NLRP12: variants seen among roughly 807,000 people sequenced by gnomAD.
NLRP12 encodes the protein NACHT, LRR and PYD domains-containing protein 12.
NLRP12 carries 108 observed loss-of-function variants against 91.2 expected under a neutral mutation model. That is an observed-to-expected ratio of 1.18 (90% CI 1.01 to 1.39). The LOEUF is 1.39. Among genes scored for constraint, NLRP12 ranks in the 40% most tolerant of loss-of-function variants. The pLI is 0.00. For missense variants in NLRP12, 1,530 were observed against 1,352.7 expected, an observed-to-expected ratio of 1.13 and a Z score of -2.06; for synonymous variants, 613 against 566.7, an observed-to-expected ratio of 1.08 and a Z score of -1.16.
chr19:53,815,902 G>A (rs998588625), intron 1 of NLRP12, among the ~76,000 whole-genome samples: 5 of 151,610 alleles, frequency 3.3e-5, no homozygotes, highest in Admixed American at 1.3e-4. Context: ...GAGCCACTGC[G>A]CCTGGCGACT....
chr19:53,798,117 CTCT>C, intron 8 of NLRP12, 123 bp downstream of exon 8: 2 of 1,086,086 alleles, frequency 1.8e-6, no homozygotes, highest in Admixed American at 1.9e-5. Flanking sequence ...CTTTCCACCT[CTCT>C]TCTTGCTACC....
chr19:53,811,019 C>A lies in NLRP12; in HGVS notation c.640G>T (p.Val214Phe), dbSNP rs575151340. 6.2e-7 allele frequency: 1 copy of A among 1,613,624 alleles called. No homozygotes were observed. Among genetic ancestry groups the A allele is most frequent in the East Asian group, 2.2e-5 (1 of 44,864 alleles). ...CCTATCCCTGCCGCGCCTTGCATGA[C>A]CACGGTGCGCGGTGGCTCGGGGCGC... ...EERPEPPRTV[V>F]MQGAAGIGKS... Residue 214 changes from valine to phenylalanine, a missense_variant, in exon 3 of 10, where the codon GTC becomes TTC. Physicochemically the swap from Val to Phe is conservative, Grantham distance 50. Transcript: ENST00000324134.
intron 1 of NLRP12, among the ~76,000 whole-genome samples, chr19:53,815,609 CTTTTCTT>C (rs910358258): frequency 4.0e-5 from 6 of 149,674 alleles, no homozygotes; most frequent in Admixed American, 1.3e-4. Flanking sequence ...CATCCATTAT[CTTTTCTT>C]TTTTCTTTTC....
At position 53,810,696 on chromosome 19, in the gene NLRP12, C is replaced by T; in HGVS notation, c.963G>A (p.Glu321=). Residue 321 remains glutamate (E), a synonymous_variant, in exon 3 of 10, where the codon GAG becomes GAA. Transcript: ENST00000324134. ...TCCGAATTAAGCTGTTAAGAAGCAGCTCCGTGGGCCGTTTCTCCTCCCAGC... is the reference window on the plus strand; with the variant it reads ...TCCGAATTAAGCTGTTAAGAAGCAGTTCCGTGGGCCGTTTCTCCTCCCAGC... ...CLCWEEKRPT[E]LLLNSLIRKK... 1 of 1,613,858 alleles carries T rather than the reference C, an allele frequency of 6.2e-7. No homozygotes were observed. The highest frequency in any genetic ancestry group is 2.2e-5 in the East Asian group (1 of 44,866).
intron 6 of NLRP12, among the ~76,000 whole-genome samples, chr19:53,801,687 A>G (rs571712956): frequency 5.4e-4 from 82 of 151,590 alleles, no homozygotes; most frequent in African/African-American, 1.8e-3. Context: ...ACTCCTGACC[A>G]TGGGTGATAT....
chr19:53,819,619 G>GTA (rs559005074), intron 1 of NLRP12, among the ~76,000 whole-genome samples: 2,907 of 21,290 alleles, frequency 0.14, 585 homozygotes, highest in African/African-American at 0.19. Flanking sequence ...GTATGTATAC[G>GTA]TATATACGCG....
intron 5 of NLRP12, 126 bp downstream of exon 5, chr19:53,805,154 A>T: frequency 1.0e-6 from 1 of 973,076 alleles, no homozygotes; most frequent in Non-Finnish European, 1.6e-6. Flanking sequence ...CCAGGGTCTT[A>T]GGTCATGGGG....
At chr19:53,814,542 G>C (rs2092127450) in intron 2 of NLRP12, among the ~76,000 whole-genome samples, 1 of 152,034 alleles carries the variant, frequency 6.6e-6, no homozygotes, top group Admixed American at 6.6e-5. Context: ...GTAGAGACGG[G>C]GTTTTGCCAT....
rs773652106 is a variant in NLRP12, at chr19:53,809,904, C to T, written c.1755G>A (p.Pro585=). The change falls in exon 3 of 10, where the codon CCG becomes CCA. Residue 585 remains proline (P), a synonymous_variant. Coordinates refer to ENST00000324134, the MANE Select transcript of NLRP12 (RefSeq NM_144687.4). ...ACTGCAACAGGTCCATCTTGATGTG[C>T]GGCGAGACCTTCCAGCAGAGACTCT... is the stretch of plus-strand genomic sequence containing the variant. ...LEKSLCWKVS[P]HIKMDLLQWI... 1.1e-5 allele frequency: 18 copies of T among 1,613,914 alleles called. No individual in the cohort carries two copies. In the Admixed American group the frequency reaches 2.7e-4, roughly 24 times the overall value.
rs1161958313 is a variant in NLRP12, at chr19:53,798,309, C to T, written c.2861G>A (p.Gly954Glu). 1 of 1,614,210 alleles carries T rather than the reference C, an allele frequency of 6.2e-7. No individual in the cohort carries two copies. The highest frequency in any genetic ancestry group is 8.5e-7 in the Non-Finnish European group (1 of 1,180,042). The stretch of plus-strand genomic sequence containing the variant: ...AGCCAGCAACCACAGGCCCCAGTCT[C>T]CCAGGTCGTTGAAACTCAAGTCCAG... Reference protein sequence around the residue: ...RELDLSFNDLGDWGLWLLAEG... With the variant: ...RELDLSFNDLEDWGLWLLAEG... Residue 954 changes from glycine (G) to glutamate (E), a missense_variant, in exon 8 of 10, where the codon GGA becomes GAA. Transcript: ENST00000324134.
In NLRP12 at chr19:53,795,895, C is replaced by A; in HGVS notation, c.3062G>T (p.Arg1021Leu). The A allele has an allele frequency of 6.2e-7, 1 of 1,614,138 alleles. No homozygotes were observed. Among genetic ancestry groups the A allele is most frequent in the Non-Finnish European group, 8.5e-7 (1 of 1,180,032 alleles). ...GAGTTTGCAGCCAGGATGGCTCAGC[C>A]GCTTGCAAAGCAGTCGGACACCTGT... The part of the protein sequence containing the change: ...GDTGVRLLCK[R>L]LSHPGCKLRV... The change falls in exon 9 of 10, where the codon CGG (arginine) becomes CTG (leucine). Residue 1021 changes from arginine to leucine, a missense_variant. Physicochemically the swap from Arg to Leu is moderately radical, Grantham distance 102. Coordinates refer to ENST00000324134, the MANE Select transcript of NLRP12 (RefSeq NM_144687.4).
At chr19:53,797,412 T>C (rs8103827) in intron 8 of NLRP12, among the ~76,000 whole-genome samples, 151,877 of 152,072 alleles carry the variant, frequency 1, 75,846 homozygotes, top group Middle Eastern at 1. Context: ...CATGAGCCAC[T>C]GTGCCCGGCC....
intron 1 of NLRP12, among the ~76,000 whole-genome samples, chr19:53,821,392 G>A (rs1230697515): frequency 6.6e-6 from 1 of 151,964 alleles, no homozygotes; most frequent in African/African-American, 2.4e-5. Context: ...ATGTTGGCTG[G>A]GCACGGTGGC....
chr19:53,815,769 C>T (rs979709281), intron 1 of NLRP12, among the ~76,000 whole-genome samples: 6 of 151,166 alleles, frequency 4.0e-5, no homozygotes, highest in African/African-American at 1.2e-4. Flanking sequence ...TCACCACGCC[C>T]GGATAATTTA....
chr19:53,806,436 A>C (rs955103353), intron 4 of NLRP12, among the ~76,000 whole-genome samples: 1 of 151,596 alleles, frequency 6.6e-6, no homozygotes, highest in Non-Finnish European at 1.5e-5. Flanking sequence ...TAATCCCAGC[A>C]CTTTGGGAGG....
At chr19:53,811,414 T>C in intron 2 of NLRP12, 126 bp from the exon 3 acceptor site, 1 of 1,083,048 alleles carries the variant, frequency 9.2e-7, no homozygotes, top group South Asian at 1.3e-5. Flanking sequence ...CTCAGGAGGC[T>C]GAGATGGGAG....
intron 1 of NLRP12, among the ~76,000 whole-genome samples, chr19:53,821,519 T>C (rs563755624): frequency 6.6e-6 from 1 of 152,068 alleles, no homozygotes; most frequent in African/African-American, 2.4e-5. Context: ...ATACAAAAAA[T>C]TAGCCAGGCA....
chr19:53,803,819 C>T (rs1162489217), intron 6 of NLRP12, 133 bp downstream of exon 6: 1 of 831,968 alleles, frequency 1.2e-6, no homozygotes, highest in African/African-American at 1.7e-5. Flanking sequence ...GATGATCTGC[C>T]CTCTTTGGCC....
chr19:53,817,255 C>A (rs542977868), intron 1 of NLRP12, among the ~76,000 whole-genome samples: 3 of 152,168 alleles, frequency 2.0e-5, no homozygotes, highest in South Asian at 4.1e-4. Flanking sequence ...CGTGGTGAAA[C>A]CTTGTCTCTA....
Sources: gnomAD v4.1 joint callset for allele counts (sites outside exome capture counted in the v4.1 genomes callset) on GRCh38, gnomAD v4.1.1 for gene constraint, MANE v1.5 for transcripts, NCBI Gene and HGNC (gene_info 2026-07-23, HGNC 2026-07-21) for gene names.